Variants in SYT14 observed in about 807,000 individuals in gnomAD.
SYT14 encodes synaptotagmin 14, also known as synaptotagmin-14.
A neutral mutation model predicts 74.2 loss-of-function variants in SYT14; 32 were observed. That is an observed-to-expected ratio of 0.43 (90% confidence interval 0.33 to 0.58). The LOEUF (loss-of-function observed/expected upper bound fraction) is 0.58. Among genes scored for constraint, SYT14 ranks in the 20% least tolerant of loss-of-function variants. The probability of loss-of-function intolerance (pLI) is 0.05; values close to 1 mark genes in which losing one functional copy is unlikely to be tolerated. For missense variants in SYT14, 791 were observed against 981.8 expected (o/e 0.81, Z 2.60); for synonymous variants, 298 against 337.7 (o/e 0.88, Z 1.29).
chr1:210,088,420 A>C (rs748004745), intron 5 of SYT14, among the ~76,000 whole-genome samples: 1 of 151,872 alleles, frequency 6.6e-6, no homozygotes, highest in African/African-American at 2.4e-5. Context: ...TCATTGTTCA[A>C]TTCCCACTTA....
intron 5 of SYT14, among the ~76,000 whole-genome samples, chr1:210,060,209 T>A (rs2081183256): frequency 6.6e-6 from 1 of 152,148 alleles, no homozygotes; most frequent in African/African-American, 2.4e-5. Context: ...AACTATTACC[T>A]TAGGCATGTC....
intron 5 of SYT14, among the ~76,000 whole-genome samples, chr1:210,039,881 C>G (rs1375008210): frequency 1.3e-5 from 2 of 152,134 alleles, no homozygotes; most frequent in Non-Finnish European, 2.9e-5. Flanking sequence ...CAGGAAACAA[C>G]AGATGCTGGA....
intron 5 of SYT14, among the ~76,000 whole-genome samples, chr1:210,068,394 T>G (rs1253536932): frequency 6.6e-6 from 1 of 151,770 alleles, no homozygotes; most frequent in Non-Finnish European, 1.5e-5. Context: ...GTTTGAGTCT[T>G]AGGATCAAGG....
At chr1:210,006,835 A>G (rs1272073817) in intron 2 of SYT14, among the ~76,000 whole-genome samples, 5 of 151,906 alleles carry the variant, frequency 3.3e-5, no homozygotes, top group Non-Finnish European at 7.4e-5. Flanking sequence ...CAAGTAAATC[A>G]AAATAGAAAA....
At chr1:209,959,871 T>A (rs1279338540) in intron 2 of SYT14, among the ~76,000 whole-genome samples, 1 of 152,138 alleles carries the variant, frequency 6.6e-6, no homozygotes. Context: ...TATGAATATA[T>A]TACAGAACAC....
intron 5 of SYT14, among the ~76,000 whole-genome samples, chr1:210,046,399 C>T (rs1385771648): frequency 6.9e-6 from 1 of 144,704 alleles, no homozygotes; most frequent in African/African-American, 2.7e-5. Flanking sequence ...AAAATTTACT[C>T]ATTTCAAGTG....
chr1:210,095,530 A>G (rs1317129738), intron 6 of SYT14, among the ~76,000 whole-genome samples: 1 of 152,246 alleles, frequency 6.6e-6, no homozygotes, highest in Non-Finnish European at 1.5e-5. Context: ...CTGGGTTTGC[A>G]GGCATAAGCC....
exon 10 of SYT14, chr1:210,168,634 A>G (rs1364402717): frequency 6.6e-6 from 1 of 152,190 alleles, no homozygotes; most frequent in African/African-American, 2.4e-5. Context: ...TAATGAGAAA[A>G]TAGGAATTTT....
At chr1:209,970,353 C>T (rs2079229296) in intron 2 of SYT14, among the ~76,000 whole-genome samples, 1 of 151,986 alleles carries the variant, frequency 6.6e-6, no homozygotes, top group African/African-American at 2.4e-5. Flanking sequence ...TTAACTTTGT[C>T]AGAGATCAGT....
chr1:210,012,408 G>C (rs560936170), intron 2 of SYT14, among the ~76,000 whole-genome samples: 1 of 152,322 alleles, frequency 6.6e-6, no homozygotes, highest in Admixed American at 6.5e-5. Context: ...TTGGTTGAGT[G>C]AATGAGTAGG....
chr1:210,069,920 A>G (rs1327643456), intron 5 of SYT14, among the ~76,000 whole-genome samples: 2 of 151,884 alleles, frequency 1.3e-5, no homozygotes, highest in Admixed American at 1.3e-4. Context: ...CTCTCTGGAA[A>G]TAACCTCAGG....
intron 3 of SYT14, among the ~76,000 whole-genome samples, chr1:210,014,674 A>G (rs1050315414): frequency 7.2e-5 from 11 of 152,106 alleles, no homozygotes; most frequent in Non-Finnish European, 1.2e-4. Flanking sequence ...ATTGAATTAT[A>G]TTTTGTGACT....
In SYT14 at chr1:210,100,606, C is replaced by T; in HGVS notation, c.2034+145C>T. 3 of 786,678 alleles carry T rather than the reference C, an allele frequency of 3.8e-6. No homozygotes were observed. The South Asian group carries it at 5.2e-5, about 14-fold the overall frequency. The allele number at this position is 786,678 out of a possible 1,614,324, so 48.7% of individuals were successfully genotyped here. A position where few individuals can be genotyped will look rare whatever the true frequency, so the allele number is the denominator to read the frequency against. ...ATGCCTTTACAAAAATATCTAAGCC[C>T]TGGATAGATAGATATACTTTTTCTT... On this transcript the variant is annotated intron_variant, in intron 7 of 9. Transcript: ENST00000637265.
Position 210,013,944 on chromosome 1 carries a change from A to G in SYT14, c.-321+147A>G, listed in dbSNP as rs993020894. ...GTTCTGTAAAAGATCTGTTAAGTAA[A>G]TTATGTTCAGGTATTCTTCTGTTGT... is the stretch of plus-strand genomic sequence containing the variant. On this transcript the variant is annotated intron_variant, in intron 3 of 9. Coordinates refer to ENST00000637265, the Ensembl canonical transcript of SYT14. 3.8e-6 allele frequency: 3 copies of G among 780,678 alleles called. No individual in the cohort carries two copies. In the African/African-American group the frequency reaches 5.3e-5, roughly 14 times the overall value. 48.4% of individuals were successfully genotyped at this position (780,678 alleles called of 1,614,324 possible).
At chr1:210,097,545 C>T (rs2102536171) in intron 6 of SYT14, among the ~76,000 whole-genome samples, 1 of 151,522 alleles carries the variant, frequency 6.6e-6, no homozygotes, top group South Asian at 2.1e-4. Context: ...AGGGCGGCAC[C>T]AAGAGAAGTA....
intron 7 of SYT14, among the ~76,000 whole-genome samples, chr1:210,150,473 G>C (rs138284152): frequency 6.6e-6 from 1 of 152,278 alleles, no homozygotes; most frequent in Admixed American, 6.5e-5. Context: ...TCCTGAAATT[G>C]CCTCTGGTGA....
At chr1:210,045,029 G>A (rs551479595) in intron 5 of SYT14, among the ~76,000 whole-genome samples, 1 of 152,176 alleles carries the variant, frequency 6.6e-6, no homozygotes, top group Non-Finnish European at 1.5e-5. Flanking sequence ...TTTTCAATAC[G>A]AGATTTGAGG....
chr1:210,091,797 C>A (rs988450526), intron 5 of SYT14, among the ~76,000 whole-genome samples: 1 of 152,114 alleles, frequency 6.6e-6, no homozygotes, highest in African/African-American at 2.4e-5. Context: ...ATTTTGATGG[C>A]TTCTGATTAA....
At chr1:210,169,221 G>GTTTTTTTTTTTTTTT (rs35974726) in exon 10 of SYT14, 3 of 50,246 alleles carry the variant, frequency 6.0e-5, no homozygotes, top group African/African-American at 2.3e-4. Flanking sequence ...TGTTTTTGGT[G>GTTTTTTTTTTTTTTT]TTTTTTTTTT....
Sources: gnomAD v4.1 joint callset for allele counts (sites outside exome capture counted in the v4.1 genomes callset) on GRCh38, gnomAD v4.1.1 for gene constraint, MANE v1.5 for transcripts, NCBI Gene and HGNC (gene_info 2026-07-23, HGNC 2026-07-21) for gene names.